The following ACSL5 variants were observed in gnomAD, a reference collection of about 807,000 sequenced individuals.
The protein encoded by ACSL5 is acyl-CoA synthetase long chain family member 5.
In ACSL5, 50 loss-of-function variants were observed where a neutral mutation model predicts 84.9. The ratio of observed to expected loss-of-function variants is 0.59; its 90% CI spans 0.47 to 0.75. The LOEUF is 0.75. Ranked by LOEUF, ACSL5 falls within the 30% of genes least tolerant of loss-of-function variation. The pLI, the probability that ACSL5 is intolerant of heterozygous loss-of-function variation, is 0.00. For synonymous variants in ACSL5, 280 were observed against 300.7 expected, an observed-to-expected ratio of 0.93 and a Z score of 0.71; for missense variants, 775 against 830.4, an observed-to-expected ratio of 0.93 and a Z score of 0.82.
At chr10:112,415,741 A>G (rs1844299669) in intron 12 of ACSL5, among the ~76,000 whole-genome samples, 1 of 152,268 alleles carries the variant, frequency 6.6e-6, no homozygotes, top group Admixed American at 6.5e-5. Context: ...TGGGGTTATA[A>G]ACATGGAAGA....
At position 112,404,760 on chromosome 10, in the gene ACSL5, C is replaced by T. The variant is rs1283997883; in HGVS notation, c.386C>T (p.Ser129Leu). Residue 129 changes from serine to leucine, a missense_variant, in exon 5 of 21, where the codon TCA (serine) becomes TTA (leucine). Transcript: ENST00000354655. ...GSCLLHKGYKSSPDQFVGIFA... is the reference protein window; with the variant it reads ...GSCLLHKGYKLSPDQFVGIFA... ...TGTCTCTTGCATAAAGGTTATAAAT[C>T]ATCACCAGACCAGTTTGTCGGCATC... 1.2e-6 allele frequency: 2 copies of T among 1,614,032 alleles called. No individual in the cohort carries two copies. The highest frequency in any genetic ancestry group is 2.2e-5 in the East Asian group (1 of 44,866).
chr10:112,418,320 G>T (rs1048352140), intron 14 of ACSL5, among the ~76,000 whole-genome samples: 1 of 152,164 alleles, frequency 6.6e-6, no homozygotes, highest in Non-Finnish European at 1.5e-5. Flanking sequence ...GGTGGCTCAT[G>T]CCTGTAATCC....
At chr10:112,426,235 C>A (rs1844699819) in intron 18 of ACSL5, 23 bp from the exon 19 acceptor site, 1 of 1,593,888 alleles carries the variant, frequency 6.3e-7, no homozygotes, top group South Asian at 1.1e-5. Context: ...CATGCCCTTG[C>A]ACCTTTTATT....
rs11286757 is a variant in ACSL5, at chr10:112,386,181, C to CTTTTTTT, written c.-29-8713_-29-8707dup. On this transcript the variant is annotated intron_variant, in intron 1 of 20. Coordinates refer to ENST00000354655, the MANE Select transcript of ACSL5 (RefSeq NM_203379.2). Reference sequence around the variant, plus strand: ...TGACCAATAGAAAACTCCTATAGCTCTTTTTTTTTTTTTTTTTTTTTTTTT... The same window carrying CTTTTTTT: ...TGACCAATAGAAAACTCCTATAGCTCTTTTTTTTTTTTTTTTTTTTTTTTTTTTTTTT... Among the ~76,000 whole-genome samples, 79 of 71,834 alleles carry CTTTTTTT rather than the reference C, an allele frequency of 1.1e-3. 7 individuals are homozygous for CTTTTTTT. Among genetic ancestry groups the CTTTTTTT allele is most frequent in the African/African-American group, 4.3e-3 (77 of 17,760 alleles). 47.1% of individuals were successfully genotyped at this position (71,834 alleles called of 152,430 possible).
At chr10:112,427,142 C>T in intron 20 of ACSL5, 76 bp from the exon 21 acceptor site, 1 of 1,448,798 alleles carries the variant, frequency 6.9e-7, no homozygotes, top group South Asian at 1.4e-5. Flanking sequence ...TCACTTTCTT[C>T]ACAGAGCACT....
chr10:112,395,946 A>T (rs1318911344), intron 2 of ACSL5: 1 of 152,356 alleles, frequency 6.6e-6, no homozygotes, highest in Non-Finnish European at 1.5e-5. Flanking sequence ...CTTCACTGAC[A>T]TCTTCCCGTC....
chr10:112,411,397 C>A, intron 9 of ACSL5, 59 bp from the exon 10 acceptor site: 2 of 1,444,616 alleles, frequency 1.4e-6, no homozygotes, highest in Non-Finnish European at 1.9e-6. Context: ...TCTTTCAAGG[C>A]CAAAGGCTAC....
At chr10:112,378,219 T>C (rs1215576220) in intron 1 of ACSL5, among the ~76,000 whole-genome samples, 1 of 145,770 alleles carries the variant, frequency 6.9e-6, no homozygotes, top group Admixed American at 7.2e-5. Context: ...GACAATCTTC[T>C]TCTTCTTGTT....
intron 1 of ACSL5, among the ~76,000 whole-genome samples, chr10:112,388,571 C>A (rs758891957): frequency 4.6e-5 from 7 of 152,188 alleles, no homozygotes; most frequent in African/African-American, 7.2e-5. Context: ...ATTTGCTCAA[C>A]AACCACTTGT....
At chr10:112,398,842 G>A (rs1489393574) in intron 2 of ACSL5, 59 bp from the exon 3 acceptor site, 11 of 1,422,316 alleles carry the variant, frequency 7.7e-6, no homozygotes, top group East Asian at 2.3e-5. Context: ...AATTCATAAA[G>A]GTTTTGGAAA....
intron 1 of ACSL5, among the ~76,000 whole-genome samples, chr10:112,381,665 C>CA (rs35097669): frequency 0.012 from 1,258 of 104,702 alleles, 6 homozygotes; most frequent in Non-Finnish European, 0.014. Context: ...GAGACTGTCT[C>CA]AAAAAAAAAA....
At chr10:112,414,441 C>T (rs575750904) in intron 12 of ACSL5, among the ~76,000 whole-genome samples, 3 of 150,710 alleles carry the variant, frequency 2.0e-5, no homozygotes, top group East Asian at 2.0e-4. Flanking sequence ...CTGCAACCTC[C>T]GCCTCCTGGG....
intron 3 of ACSL5, among the ~76,000 whole-genome samples, chr10:112,401,003 G>A (rs760936954): frequency 1.1e-4 from 16 of 152,030 alleles, no homozygotes; most frequent in South Asian, 2.1e-4. Flanking sequence ...AACCAATACC[G>A]TTGAAATAGC....
chr10:112,422,417 A>G lies in ACSL5; in HGVS notation c.1569A>G (p.Thr523=). Residue 523 remains threonine, a synonymous_variant, in exon 17 of 21, where the codon ACA becomes ACG. Coordinates refer to ENST00000354655, the MANE Select transcript of ACSL5 (RefSeq NM_203379.2). Reference sequence around the variant, plus strand: ...TGGACAGTGATGGCTGGCTTCACACAGGAGACATTGGTCGCTGGCTCCCGG... The same window carrying G: ...TGGACAGTGATGGCTGGCTTCACACGGGAGACATTGGTCGCTGGCTCCCGG... The part of the protein sequence containing the change: ...EALDSDGWLH[T]GDIGRWLPNG... The G allele has an allele frequency of 6.2e-6, 10 of 1,614,154 alleles. No individual in the cohort carries two copies. The highest frequency in any genetic ancestry group is 8.5e-6 in the Non-Finnish European group (10 of 1,179,994).
At chr10:112,411,639 C>T in intron 10 of ACSL5, 110 bp downstream of exon 10, 1 of 1,020,162 alleles carries the variant, frequency 9.8e-7, no homozygotes. Flanking sequence ...CACACACACA[C>T]ACACACACGT....
At chr10:112,413,013 A>C (rs1185115723) in intron 11 of ACSL5, among the ~76,000 whole-genome samples, 160 bp from the exon 12 acceptor site, 2 of 152,146 alleles carry the variant, frequency 1.3e-5, no homozygotes, top group Non-Finnish European at 2.9e-5. Context: ...TGTGCAAGAA[A>C]AGTGTCTGTG....
At chr10:112,402,432 C>T (rs1843931333) in intron 3 of ACSL5, among the ~76,000 whole-genome samples, 1 of 152,144 alleles carries the variant, frequency 6.6e-6, no homozygotes, top group African/African-American at 2.4e-5. Flanking sequence ...TGGTAGCTAT[C>T]ATTAGTGATT....
intron 14 of ACSL5, among the ~76,000 whole-genome samples, chr10:112,418,622 C>T (rs1309294034): frequency 1.3e-5 from 2 of 151,836 alleles, no homozygotes; most frequent in Admixed American, 6.6e-5. Context: ...TCCCCAAAAA[C>T]TTAACTACTA....
intron 10 of ACSL5, 125 bp from the exon 11 acceptor site, chr10:112,411,775 TAC>T: frequency 1.1e-6 from 1 of 927,612 alleles, no homozygotes; most frequent in Non-Finnish European, 1.7e-6. Flanking sequence ...ATCTCAGATC[TAC>T]ACAGTGTACC....
Sources: gnomAD v4.1 joint callset for allele counts (sites outside exome capture counted in the v4.1 genomes callset) on GRCh38, gnomAD v4.1.1 for gene constraint, MANE v1.5 for transcripts, NCBI Gene and HGNC (gene_info 2026-07-23, HGNC 2026-07-21) for gene names.